Variants in ARAP2 observed in about 807,000 individuals in gnomAD.
The protein encoded by ARAP2 is ArfGAP with RhoGAP domain, ankyrin repeat and PH domain 2.
ARAP2 carries 148 observed loss-of-function variants against 194.5 expected under a neutral mutation model. The observed-to-expected ratio is 0.76, with a 90% CI of 0.67 to 0.87. ARAP2 has a LOEUF of 0.87. Ranked by LOEUF, ARAP2 falls within the 40% of genes least tolerant of loss-of-function variation. The pLI is 0.00. For missense variants in ARAP2, 2,128 were observed against 1,989.7 expected, an observed-to-expected ratio of 1.07 and a Z score of -1.32; for synonymous variants, 695 against 683.5, an observed-to-expected ratio of 1.02 and a Z score of -0.26.
intron 9 of ARAP2, 37 bp from the exon 10 acceptor site, chr4:36,167,084 CAAAA>C (rs3055951): frequency 0.37 from 407,070 of 1,114,800 alleles, 80,404 homozygotes; most frequent in East Asian, 0.65. Flanking sequence ...TATAAAGAAA[CAAAA>C]AAAAAGATTT....
intron 4 of ARAP2, 81 bp downstream of exon 4, chr4:36,213,162 T>C (rs1407320456): frequency 1.8e-5 from 20 of 1,082,068 alleles, no homozygotes; most frequent in Middle Eastern, 2.1e-4. Flanking sequence ...TTCAAATAGC[T>C]TGGAGAAAAA....
chr4:36,197,803 C>T (rs1044240792), intron 6 of ARAP2, among the ~76,000 whole-genome samples: 2 of 152,164 alleles, frequency 1.3e-5, no homozygotes, highest in Non-Finnish European at 1.5e-5. Flanking sequence ...CTGGACCAGG[C>T]ACACCAGAAG....
At chr4:36,150,019 G>T (rs540982812) in intron 16 of ARAP2, among the ~76,000 whole-genome samples, 569 of 152,150 alleles carry the variant, frequency 3.7e-3, no homozygotes, top group Non-Finnish European at 6.6e-3. Context: ...GATCTTAGAT[G>T]GCCTGCTTTT....
At chr4:36,082,719 A>AAGCAC (rs779875893) in intron 29 of ARAP2, among the ~76,000 whole-genome samples, 3 of 152,200 alleles carry the variant, frequency 2.0e-5, no homozygotes, top group Non-Finnish European at 4.4e-5. Context: ...TCTCAGAAGC[A>AAGCAC]AGCACATATA....
At position 36,137,053 on chromosome 4, in the gene ARAP2, A is replaced by G. The variant is rs185724786; in HGVS notation, c.3264-3664T>C. The stretch of plus-strand genomic sequence containing the variant: ...TTCATCACTGGAGTATAACAAGATG[A>G]GCATAGCATTTTAAAGGCTGATGAG... On this transcript the variant is annotated intron_variant, in intron 19 of 32. Coordinates refer to ENST00000303965, the MANE Select transcript of ARAP2 (RefSeq NM_015230.4). 3.4e-3 allele frequency among the ~76,000 whole-genome samples: 518 copies of G among 152,000 alleles called. 1 individual carries two copies. Among genetic ancestry groups the G allele is most frequent in the African/African-American group, 0.011 (469 of 41,520 alleles).
At chr4:36,145,496 G>A (rs952687040) in intron 19 of ARAP2, among the ~76,000 whole-genome samples, 76 of 152,020 alleles carry the variant, frequency 5.0e-4, no homozygotes, top group African/African-American at 1.8e-3. Context: ...TGGAAATAGA[G>A]ATGGAAATAA....
chr4:36,189,988 C>T (rs1741509299), intron 7 of ARAP2, among the ~76,000 whole-genome samples: 1 of 152,176 alleles, frequency 6.6e-6, no homozygotes, highest in Non-Finnish European at 1.5e-5. Flanking sequence ...GCATTCTCCC[C>T]ACATCTAGAA....
In ARAP2 at chr4:36,092,076, A is replaced by G. The variant is rs575977439; in HGVS notation, c.4286-56T>C. 663 of 1,457,112 alleles carry G rather than the reference A, an allele frequency of 4.6e-4. 2 individuals are homozygous for G. The highest frequency in any genetic ancestry group is 3.5e-3 in the South Asian group (228 of 65,720). The allele number at this position is 1,457,112 out of a possible 1,614,324, so 90.3% of individuals were successfully genotyped here. On this transcript the variant is annotated intron_variant, in intron 27 of 32. Transcript: ENST00000303965. The stretch of plus-strand genomic sequence containing the variant: ...GGGTACGTTTTTACTTATTTGAAAT[A>G]CAATACAAAACATTTCTATATTGTC...
At chr4:36,133,164 A>G in intron 20 of ARAP2, 62 bp downstream of exon 20, 1 of 1,553,860 alleles carries the variant, frequency 6.4e-7, no homozygotes, top group East Asian at 2.3e-5. Context: ...GGTACCACTT[A>G]AAAACCTGTA....
intron 17 of ARAP2, among the ~76,000 whole-genome samples, chr4:36,148,164 C>A (rs1048351863): frequency 6.6e-6 from 1 of 152,090 alleles, no homozygotes; most frequent in Non-Finnish European, 1.5e-5. Context: ...ATATCCTAAC[C>A]ATCAAAAACA....
Position 36,229,580 on chromosome 4 carries a change from C to G in ARAP2, c.-94G>C, listed in dbSNP as rs935321666. On this transcript the variant is annotated 5_prime_UTR_variant, in exon 2 of 33. Transcript: ENST00000303965. ...ACTTCTCTACTGGCTTTTCCTCTAT[C>G]AATTGTGACAGAAAAGTTTCTTAAA... 5.2e-6 allele frequency: 5 copies of G among 953,846 alleles called. No individual in the cohort carries two copies. The East Asian group carries it at 9.8e-5, about 19-fold the overall frequency. The allele number at this position is 953,846 out of a possible 1,614,324, so 59.1% of individuals were successfully genotyped here. A position where few individuals can be genotyped will look rare whatever the true frequency, so the allele number is the denominator to read the frequency against.
chr4:36,134,143 A>G (rs890858548), intron 19 of ARAP2, among the ~76,000 whole-genome samples: 2 of 151,814 alleles, frequency 1.3e-5, no homozygotes, highest in African/African-American at 4.8e-5. Flanking sequence ...CATCATTGGC[A>G]AAATAAATAT....
intron 8 of ARAP2, among the ~76,000 whole-genome samples, chr4:36,183,933 C>A (rs1489020658): frequency 3.3e-5 from 5 of 152,138 alleles, no homozygotes; most frequent in African/African-American, 1.2e-4. Flanking sequence ...CATTCAAAGC[C>A]TTATCACCAA....
chr4:36,242,450 AG>A (rs751990365), intron 1 of ARAP2, among the ~76,000 whole-genome samples: 22 of 152,222 alleles, frequency 1.4e-4, no homozygotes, highest in Non-Finnish European at 2.5e-4. Flanking sequence ...TGGGTTAGAA[AG>A]TAACAAAACG....
intron 6 of ARAP2, among the ~76,000 whole-genome samples, chr4:36,196,424 C>A (rs144269851): frequency 2.6e-4 from 39 of 152,322 alleles, no homozygotes; most frequent in African/African-American, 8.7e-4. Flanking sequence ...AGGACACACC[C>A]TACCACTGGC....
intron 8 of ARAP2, among the ~76,000 whole-genome samples, chr4:36,184,352 AAAG>A (rs1023940751): frequency 3.3e-5 from 5 of 152,166 alleles, no homozygotes; most frequent in African/African-American, 1.2e-4. Flanking sequence ...TACTATGTAA[AAAG>A]AACTTTTAAT....
chr4:36,236,657 G>C (rs73229041), intron 1 of ARAP2, among the ~76,000 whole-genome samples: 2 of 152,254 alleles, frequency 1.3e-5, no homozygotes, highest in Non-Finnish European at 2.9e-5. Flanking sequence ...ATCAATACAA[G>C]TCTTACAAAT....
chr4:36,116,203 T>C (rs1721270995), intron 25 of ARAP2, among the ~76,000 whole-genome samples: 1 of 151,964 alleles, frequency 6.6e-6, no homozygotes, highest in South Asian at 2.1e-4. Flanking sequence ...CTTAATGGTG[T>C]ATAGTTACAA....
chr4:36,085,091 T>C (rs562717563), intron 28 of ARAP2, among the ~76,000 whole-genome samples: 1 of 152,206 alleles, frequency 6.6e-6, no homozygotes, highest in Non-Finnish European at 1.5e-5. Context: ...AGTTTATCCA[T>C]GTCTTTATTT....
Sources: allele counts gnomAD v4.1 joint callset (sites outside exome capture counted in the v4.1 genomes callset), GRCh38; gene constraint gnomAD v4.1.1; transcripts MANE v1.5; gene names NCBI Gene and HGNC (gene_info 2026-07-23, HGNC 2026-07-21).